Variants in PLS3 observed in about 807,000 individuals in gnomAD.
PLS3 encodes the protein plastin-3.
A neutral mutation model predicts 46.5 loss-of-function variants in PLS3; 11 were observed. That is an observed-to-expected ratio of 0.24 (90% CI 0.15 to 0.39). PLS3 has a LOEUF of 0.39. Among genes scored for constraint, PLS3 ranks in the 10% least tolerant of loss-of-function variants. The pLI is 1.00. For synonymous variants in PLS3, 167 were observed against 162.2 expected (o/e 1.03, Z -0.22); for missense variants, 308 against 461.8 (o/e 0.67, Z 3.05).
chrX:115,613,639 T>C (rs1163758755), intron 2 of PLS3, among the ~76,000 whole-genome samples: 1 of 111,731 alleles, frequency 9.0e-6, no homozygotes, highest in African/African-American at 3.2e-5. Flanking sequence ...GTTTCAAAGG[T>C]GTGGAAGCTA....
intron 1 of PLS3, among the ~76,000 whole-genome samples, chrX:115,598,445 A>ATTTAGG (rs1407907298): frequency 4.5e-5 from 5 of 111,142 alleles, no homozygotes; most frequent in Admixed American, 2.9e-4. Flanking sequence ...ACGTGAGGGC[A>ATTTAGG]TTTAGGTTTT....
intron 1 of PLS3, among the ~76,000 whole-genome samples, chrX:115,602,819 C>T (rs2074457580): frequency 9.2e-6 from 1 of 109,148 alleles, no homozygotes; most frequent in Admixed American, 9.9e-5. Flanking sequence ...TGGGATGAAG[C>T]CTGTGGTGAA....
rs370489793 is a variant in PLS3, at chrX:115,608,645, C to T, written c.-8-1598C>T. Among the ~76,000 whole-genome samples the T allele has an allele frequency of 1.7e-4, 19 of 111,930 alleles. No individual in the cohort carries two copies. In the South Asian group the frequency reaches 3.8e-3, roughly 22 times the overall value. On this transcript the variant is annotated intron_variant, in intron 1 of 15. Coordinates refer to ENST00000355899, the MANE Select transcript of PLS3 (RefSeq NM_005032.7). ...ATACTATATTCTTACTGTACCTTTT[C>T]TATGTTTAGATATACGGATACCATT...
At chrX:115,649,048 T>A (rs1456545820) in intron 15 of PLS3, among the ~76,000 whole-genome samples, 3 of 111,658 alleles carry the variant, frequency 2.7e-5, no homozygotes, top group Non-Finnish European at 5.6e-5. Context: ...CTAGCATGAT[T>A]TTCCACCTCA....
rs782086812 is a variant in PLS3 at position 115,610,820 on chromosome X, C to T, written c.73+497C>T. On this transcript the variant is annotated intron_variant, in intron 2 of 15. Coordinates refer to ENST00000355899, the MANE Select transcript of PLS3 (RefSeq NM_005032.7). ...TACTGCAGATCGTTCTACCTCGCCA[C>T]GTTAAATTATAGCTTCAGTATAAGA... 4.0e-5 allele frequency: 42 copies of T among 1,048,523 alleles called. No individual in the cohort carries two copies. The South Asian group carries it at 8.0e-4, about 20-fold the overall frequency. The allele number at this position is 1,048,523 out of a possible 1,213,427, so 86.4% of individuals were successfully genotyped here. A position where few individuals can be genotyped will look rare whatever the true frequency, so the allele number is the denominator to read the frequency against.
rs782587498 is a variant in PLS3, at chrX:115,640,154, T to C, written c.892-254T>C. 182 of 1,051,246 alleles carry C rather than the reference T, an allele frequency of 1.7e-4. No homozygotes were observed. The highest frequency in any genetic ancestry group is 4.1e-4 in the African/African-American group (22 of 53,746). The allele number at this position is 1,051,246 out of a possible 1,213,427, so 86.6% of individuals were successfully genotyped here. On this transcript the variant is annotated intron_variant, in intron 8 of 15. Coordinates refer to ENST00000355899, the MANE Select transcript of PLS3 (RefSeq NM_005032.7). Reference sequence around the variant, plus strand: ...CAGTGAAGGTACAGAACTGGTTATATGTTTATTAGCATTATTGTATTGATG... The same window carrying C: ...CAGTGAAGGTACAGAACTGGTTATACGTTTATTAGCATTATTGTATTGATG...
At chrX:115,592,033 C>T (rs1259580000) in intron 1 of PLS3, among the ~76,000 whole-genome samples, 3 of 111,976 alleles carry the variant, frequency 2.7e-5, no homozygotes, top group Non-Finnish European at 3.8e-5. Flanking sequence ...TGGTTAGTGA[C>T]GAGGACAGGA....
Position 115,627,959 on chromosome X carries a change from C to T in PLS3, c.238-1239C>T, listed in dbSNP as rs1011171599. On this transcript the variant is annotated intron_variant, in intron 3 of 15. Transcript: ENST00000355899. ...TAAGAAAGGTAACAGGAAAAAATGA[C>T]TAAGTAATAGGGCCACTGACAACAC... is the stretch of plus-strand genomic sequence containing the variant. Among the ~76,000 whole-genome samples the T allele has an allele frequency of 4.5e-5, 5 of 112,032 alleles. No individual in the cohort carries two copies. In the East Asian group the frequency reaches 1.4e-3, roughly 31 times the overall value.
rs188703754 is a variant in PLS3 at position 115,637,309 on chromosome X, G to A, written c.891+331G>A. Among the ~76,000 whole-genome samples the A allele has an allele frequency of 3.5e-3, 389 of 111,420 alleles. 1 individual carries two copies. The highest frequency in any genetic ancestry group is 4.9e-3 in the Non-Finnish European group (260 of 53,066). ...TTCCCAAGCCTCAGTGTACCTGTTAGTAAACACACCTAGAAGAGATAGGAA... is the reference window on the plus strand; with the variant it reads ...TTCCCAAGCCTCAGTGTACCTGTTAATAAACACACCTAGAAGAGATAGGAA... On this transcript the variant is annotated intron_variant, in intron 8 of 15. Transcript: ENST00000355899.
chrX:115,601,414 A>G (rs2074441914), intron 1 of PLS3, among the ~76,000 whole-genome samples: 1 of 107,306 alleles, frequency 9.3e-6, no homozygotes, highest in Admixed American at 1.0e-4. Context: ...GGAGATTAGC[A>G]GTGTAAAGAT....
At chrX:115,592,562 C>T (rs183880827) in intron 1 of PLS3, among the ~76,000 whole-genome samples, 106 of 111,694 alleles carry the variant, frequency 9.5e-4, no homozygotes, top group South Asian at 6.8e-3. Context: ...AGTGCTCCAA[C>T]TGATTGTTCT....
intron 1 of PLS3, among the ~76,000 whole-genome samples, chrX:115,574,158 A>G (rs1340502906): frequency 1.8e-5 from 2 of 112,048 alleles, no homozygotes; most frequent in African/African-American, 6.5e-5. Context: ...ACCATGGGAA[A>G]GAGCTGTACT....
chrX:115,606,327 A>G (rs1171221674), intron 1 of PLS3, among the ~76,000 whole-genome samples: 1 of 107,704 alleles, frequency 9.3e-6, no homozygotes, highest in Non-Finnish European at 1.9e-5. Flanking sequence ...TGGTAGAGAC[A>G]GGGTTTCACC....
chrX:115,582,633 G>A (rs782200680), intron 1 of PLS3, among the ~76,000 whole-genome samples: 1 of 112,431 alleles, frequency 8.9e-6, no homozygotes, highest in Non-Finnish European at 1.9e-5. Context: ...AATCTACATT[G>A]TGTTCAGGAT....
At chrX:115,607,499 ATTTT>A (rs59366150) in intron 1 of PLS3, among the ~76,000 whole-genome samples, 1 of 72,871 alleles carries the variant, frequency 1.4e-5, no homozygotes, top group Non-Finnish European at 2.7e-5. Flanking sequence ...GTGTTATTTA[ATTTT>A]TTTTTTTTTT....
In PLS3 at chrX:115,600,292, A is replaced by T. The variant is rs999884444; in HGVS notation, c.-8-9951A>T. Among the ~76,000 whole-genome samples the T allele has an allele frequency of 8.0e-5, 8 of 99,485 alleles. 1 individual carries two copies. In the Middle Eastern group the frequency reaches 0.016, roughly 198 times the overall value. 86.4% of individuals were successfully genotyped at this position (99,485 alleles called of 115,157 possible). ...TCAGGCCACCATGCTGGCTGATTTAATTTTTTTTTTTTTTTTAAGAGAAGG... is the reference window on the plus strand; with the variant it reads ...TCAGGCCACCATGCTGGCTGATTTATTTTTTTTTTTTTTTTTAAGAGAAGG... On this transcript the variant is annotated intron_variant, in intron 1 of 15. Transcript: ENST00000355899.
intron 3 of PLS3, among the ~76,000 whole-genome samples, chrX:115,628,687 A>G (rs2147531698): frequency 8.9e-6 from 1 of 112,148 alleles, no homozygotes; most frequent in Admixed American, 9.6e-5. Context: ...ATAGTCATCT[A>G]TTACTACCAG....
At chrX:115,582,589 A>T (rs1301469272) in intron 1 of PLS3, among the ~76,000 whole-genome samples, 1 of 112,235 alleles carries the variant, frequency 8.9e-6, no homozygotes, top group Admixed American at 9.5e-5. Context: ...ATACTTTATG[A>T]GACCATGGTA....
At chrX:115,606,155 C>CTT (rs2074490104) in intron 1 of PLS3, among the ~76,000 whole-genome samples, 1 of 42,680 alleles carries the variant, frequency 2.3e-5, no homozygotes, top group Non-Finnish European at 4.2e-5. Flanking sequence ...TTTCTTTTTT[C>CTT]TTTTCTTTTC....
Sources: allele counts gnomAD v4.1 joint callset (sites outside exome capture counted in the v4.1 genomes callset), GRCh38; gene constraint gnomAD v4.1.1; transcripts MANE v1.5; gene names NCBI Gene and HGNC (gene_info 2026-07-23, HGNC 2026-07-21).